Variants in DLG2 observed in about 807,000 individuals in gnomAD.
DLG2 encodes the protein disks large homolog 2.
DLG2 carries 45 observed loss-of-function variants against 132.5 expected under a neutral mutation model. The observed-to-expected ratio is 0.34, with a 90% CI of 0.27 to 0.44. The LOEUF (loss-of-function observed/expected upper bound fraction) is 0.44, where lower values mean the gene tolerates loss of function less well. Among genes scored for constraint, DLG2 ranks in the 20% least tolerant of loss-of-function variants. DLG2 has a pLI of 1.00. For missense variants in DLG2, 1,045 were observed against 1,196.9 expected, an observed-to-expected ratio of 0.87 and a Z score of 1.87; for synonymous variants, 424 against 419.6, an observed-to-expected ratio of 1.01 and a Z score of -0.13.
intron 19 of DLG2, among the ~76,000 whole-genome samples, chr11:83,608,065 G>A (rs1473061029): frequency 6.6e-6 from 1 of 152,170 alleles, no homozygotes; most frequent in Non-Finnish European, 1.5e-5. Flanking sequence ...ACATATACAT[G>A]CTTTTATTAA....
chr11:83,462,080 G>A lies in DLG2; in HGVS notation c.2743C>T (p.Arg915Cys), dbSNP rs1265976143. 2.5e-6 allele frequency: 4 copies of A among 1,609,402 alleles called. No homozygotes were observed. Among genetic ancestry groups the A allele is most frequent in the East Asian group, 2.2e-5 (1 of 44,864 alleles). ...SLEPLMEMNK[R>C]LTEEQAKKTY... ...TTCTTGGCTTGTTCCTCTGTTAGAC[G>A]CTTATTCATCTCCCTGGGAAAATGA... The change falls in exon 27 of 28, where the codon CGT (arginine) becomes TGT (cysteine). Residue 915 changes from arginine to cysteine, a missense_variant. Coordinates refer to ENST00000376104, the MANE Select transcript of DLG2 (RefSeq NM_001142699.3).
intron 3 of DLG2, chr11:85,469,516 C>G (rs1389032983): frequency 3.3e-5 from 5 of 152,174 alleles, no homozygotes; most frequent in African/African-American, 1.2e-4. Flanking sequence ...AAACACCAAA[C>G]TACTCTGGTA....
intron 7 of DLG2, among the ~76,000 whole-genome samples, chr11:84,415,112 C>T (rs1015196967): frequency 2.0e-5 from 3 of 152,156 alleles, no homozygotes; most frequent in African/African-American, 4.8e-5. Flanking sequence ...CCCCTAAAGG[C>T]AAACAGCTTT....
At chr11:83,891,683 T>C (rs17486861) in intron 15 of DLG2, among the ~76,000 whole-genome samples, 13,892 of 152,156 alleles carry the variant, frequency 0.091, 804 homozygotes, top group Middle Eastern at 0.19. Flanking sequence ...GTAGAGCAAA[T>C]AGAACCCTTT....
chr11:83,777,036 G>A (rs1246660747), intron 18 of DLG2, among the ~76,000 whole-genome samples: 1 of 152,132 alleles, frequency 6.6e-6, no homozygotes, highest in Non-Finnish European at 1.5e-5. Flanking sequence ...GGGAAGGAAG[G>A]GGCCATGTCT....
chr11:84,503,533 T>C (rs556209759), intron 7 of DLG2, among the ~76,000 whole-genome samples: 2 of 152,280 alleles, frequency 1.3e-5, no homozygotes, highest in Admixed American at 1.3e-4. Flanking sequence ...CCAAGCTTCT[T>C]GGCTTTCCAT....
intron 10 of DLG2, among the ~76,000 whole-genome samples, chr11:84,065,192 T>A (rs1052356178): frequency 3.9e-5 from 6 of 152,062 alleles, no homozygotes; most frequent in African/African-American, 1.4e-4. Flanking sequence ...CCAAAAGCAA[T>A]TACAACAAAA....
At chr11:83,787,600 C>A (rs552409892) in intron 17 of DLG2, among the ~76,000 whole-genome samples, 2 of 151,914 alleles carry the variant, frequency 1.3e-5, no homozygotes, top group African/African-American at 4.8e-5. Context: ...GGATTACAGG[C>A]GTGAGCCACC....
At chr11:84,281,140 A>G (rs967746421) in intron 7 of DLG2, among the ~76,000 whole-genome samples, 9 of 151,882 alleles carry the variant, frequency 5.9e-5, no homozygotes, top group African/African-American at 2.2e-4. Flanking sequence ...TTTGATTCAC[A>G]CCTCTTGTTA....
chr11:83,881,356 C>T (rs1463487305), intron 15 of DLG2, among the ~76,000 whole-genome samples: 1 of 152,068 alleles, frequency 6.6e-6, no homozygotes, highest in Non-Finnish European at 1.5e-5. Flanking sequence ...AATATAGTTA[C>T]CACATGTTAA....
intron 4 of DLG2, among the ~76,000 whole-genome samples, chr11:85,219,097 T>C (rs2082828421): frequency 3.9e-5 from 6 of 152,118 alleles, no homozygotes; most frequent in Non-Finnish European, 8.8e-5. Context: ...GGAGCAGGCA[T>C]GGGTTGAAAA....
chr11:84,827,855 A>T (rs1041384043), intron 6 of DLG2, among the ~76,000 whole-genome samples: 8 of 151,846 alleles, frequency 5.3e-5, no homozygotes, highest in African/African-American at 1.9e-4. Flanking sequence ...AGGCCCAGAA[A>T]GACAAATATT....
intron 18 of DLG2, among the ~76,000 whole-genome samples, chr11:83,709,230 A>ATTGT (rs772482365): frequency 6.0e-4 from 75 of 124,712 alleles, no homozygotes; most frequent in Non-Finnish European, 9.5e-4. Context: ...AAAATTTTAC[A>ATTGT]CTGTGTGTGT....
At chr11:85,157,440 G>C (rs1454686183) in intron 4 of DLG2, among the ~76,000 whole-genome samples, 1 of 152,124 alleles carries the variant, frequency 6.6e-6, no homozygotes, top group Non-Finnish European at 1.5e-5. Flanking sequence ...GAACTGTTTA[G>C]AGAGTTATGC....
intron 7 of DLG2, among the ~76,000 whole-genome samples, chr11:84,443,510 A>C (rs1464267157): frequency 6.6e-6 from 1 of 152,186 alleles, no homozygotes; most frequent in South Asian, 2.1e-4. Flanking sequence ...CATTATTAGT[A>C]ATTTAAATGA....
chr11:85,267,109 A>T (rs1369993303), intron 4 of DLG2, among the ~76,000 whole-genome samples: 1 of 152,182 alleles, frequency 6.6e-6, no homozygotes, highest in East Asian at 1.9e-4. Context: ...ATGTGATGTT[A>T]TTTAGGCCTT....
chr11:84,865,651 C>T (rs1249341441), intron 6 of DLG2, among the ~76,000 whole-genome samples: 2 of 152,190 alleles, frequency 1.3e-5, no homozygotes. Context: ...TTAGCCCACA[C>T]TGCTTAACAA....
intron 6 of DLG2, among the ~76,000 whole-genome samples, chr11:85,000,916 T>C (rs1480373147): frequency 1.3e-5 from 2 of 152,218 alleles, no homozygotes; most frequent in East Asian, 3.9e-4. Flanking sequence ...AGTAGATGCA[T>C]TTCATAACCC....
chr11:84,479,863 T>C (rs902902777), intron 7 of DLG2, among the ~76,000 whole-genome samples: 1 of 152,136 alleles, frequency 6.6e-6, no homozygotes, highest in African/African-American at 2.4e-5. Flanking sequence ...TGTTCCATAA[T>C]TGCCATAAAG....
Sources: allele counts gnomAD v4.1 joint callset (sites outside exome capture counted in the v4.1 genomes callset), GRCh38; gene constraint gnomAD v4.1.1; transcripts MANE v1.5; gene names NCBI Gene and HGNC (gene_info 2026-07-23, HGNC 2026-07-21).